Variants in FOXP1 observed in about 807,000 individuals in gnomAD.
FOXP1 encodes the protein forkhead box protein P1.
In FOXP1, 15 loss-of-function variants were observed where a neutral mutation model predicts 98.2. That is an observed-to-expected ratio of 0.15 (90% confidence interval 0.10 to 0.24). The LOEUF (loss-of-function observed/expected upper bound fraction) is 0.24. FOXP1 is among the 10% of genes least tolerant of loss of function. The probability of loss-of-function intolerance (pLI) is 1.00; values close to 1 mark genes in which losing one functional copy is unlikely to be tolerated. For synonymous variants in FOXP1, 371 were observed against 314.5 expected (o/e 1.18, Z -1.90); for missense variants, 633 against 848.5 (o/e 0.75, Z 3.15).
At chr3:71,384,244 A>G (rs946194932) in intron 3 of FOXP1, among the ~76,000 whole-genome samples, 1 of 151,768 alleles carries the variant, frequency 6.6e-6, no homozygotes, top group African/African-American at 2.4e-5. Context: ...AAACAAACAA[A>G]CCAACAAACA....
chr3:70,958,341 T>C lies in FOXP1; in HGVS notation c.*906A>G, dbSNP rs1212476267. 2.2e-5 allele frequency: 12 copies of C among 535,616 alleles called. No homozygotes were observed. The highest frequency in any genetic ancestry group is 2.2e-5 in the Admixed American group (1 of 44,892). 33.2% of individuals were successfully genotyped at this position (535,616 alleles called of 1,614,324 possible). On this transcript the variant is annotated 3_prime_UTR_variant, in exon 21 of 21. Transcript: ENST00000649528. ...TTTTTTCTGTCATTCATTCTCTTTC[T>C]GGCAGGACGTCACGTCTGTGTGAGA... is the stretch of plus-strand genomic sequence containing the variant.
At chr3:71,455,036 T>C (rs1354373744) in intron 3 of FOXP1, among the ~76,000 whole-genome samples, 1 of 152,204 alleles carries the variant, frequency 6.6e-6, no homozygotes, top group East Asian at 1.9e-4. Flanking sequence ...TAGCTTTGTA[T>C]ATGCCCTAAA....
chr3:71,269,580 T>C (rs1427940850), intron 5 of FOXP1, among the ~76,000 whole-genome samples: 1 of 152,166 alleles, frequency 6.6e-6, no homozygotes, highest in Non-Finnish European at 1.5e-5. Context: ...TAAACAATAT[T>C]CATTAAGAAT....
At chr3:70,992,989 T>A (rs2040841565) in intron 13 of FOXP1, among the ~76,000 whole-genome samples, 1 of 152,112 alleles carries the variant, frequency 6.6e-6, no homozygotes, top group African/African-American at 2.4e-5. Flanking sequence ...ATAGGAACTG[T>A]CCTGAGTATT....
chr3:71,442,146 C>T (rs193023085), intron 3 of FOXP1, among the ~76,000 whole-genome samples: 2 of 152,154 alleles, frequency 1.3e-5, no homozygotes, highest in Middle Eastern at 3.2e-3. Context: ...TGGTGCCCCA[C>T]TTTTGTGGAG....
chr3:71,330,737 T>C (rs1339304129), intron 4 of FOXP1, among the ~76,000 whole-genome samples: 2 of 152,248 alleles, frequency 1.3e-5, no homozygotes, highest in African/African-American at 4.8e-5. Flanking sequence ...TGTGGCAACA[T>C]TTAGTGACAT....
At position 71,004,088 on chromosome 3, in the gene FOXP1, T is replaced by TC. The variant is rs34693302; in HGVS notation, c.975-3030dup. On this transcript the variant is annotated intron_variant, in intron 12 of 20. Coordinates refer to ENST00000649528, the MANE Select transcript of FOXP1 (RefSeq NM_001349338.3). ...TGTGGACTTTAAGTGGAACCCTACA[T>TC]CCCCCCCCAAGTTCAGAAAATTAAA... Among the ~76,000 whole-genome samples the TC allele has an allele frequency of 4.6e-5, 7 of 151,702 alleles. No homozygotes were observed. The South Asian group carries it at 8.3e-4, about 18-fold the overall frequency.
chr3:71,306,198 T>C (rs2074259321), intron 4 of FOXP1, among the ~76,000 whole-genome samples: 1 of 152,168 alleles, frequency 6.6e-6, no homozygotes, highest in Admixed American at 6.5e-5. Flanking sequence ...ACACTGCCTA[T>C]TCCAGGGGAC....
chr3:70,992,925 G>T (rs1351574864), intron 13 of FOXP1, among the ~76,000 whole-genome samples: 1 of 152,122 alleles, frequency 6.6e-6, no homozygotes, highest in African/African-American at 2.4e-5. Context: ...CTCTTTCCCC[G>T]ACGTGCTCAG....
chr3:71,002,755 C>T (rs2042276283), intron 12 of FOXP1, among the ~76,000 whole-genome samples: 1 of 152,174 alleles, frequency 6.6e-6, no homozygotes, highest in African/African-American at 2.4e-5. Context: ...CCTCATTTTA[C>T]AAATTCAGAA....
At chr3:70,961,477 C>T (rs1030583728) in intron 20 of FOXP1, among the ~76,000 whole-genome samples, 3 of 152,054 alleles carry the variant, frequency 2.0e-5, no homozygotes, top group Non-Finnish European at 4.4e-5. Flanking sequence ...GTGATCCACC[C>T]GCCTTGGCCT....
At chr3:71,466,585 A>T (rs2088767722) in intron 3 of FOXP1, among the ~76,000 whole-genome samples, 1 of 151,756 alleles carries the variant, frequency 6.6e-6, no homozygotes, top group African/African-American at 2.4e-5. Flanking sequence ...TTTCAGCGGA[A>T]TTTTTTTTTC....
chr3:71,074,574 T>G (rs1463705383), intron 7 of FOXP1, among the ~76,000 whole-genome samples: 1 of 152,116 alleles, frequency 6.6e-6, no homozygotes, highest in African/African-American at 2.4e-5. Flanking sequence ...AGTGGGGTGT[T>G]GAGACTTGAA....
At chr3:71,358,605 C>T (rs1457101375) in intron 4 of FOXP1, among the ~76,000 whole-genome samples, 2 of 152,264 alleles carry the variant, frequency 1.3e-5, no homozygotes, top group Admixed American at 6.5e-5. Context: ...TCCTGTTTCT[C>T]GCAGATAAAT....
chr3:71,035,538 G>A (rs1031058621), intron 11 of FOXP1, among the ~76,000 whole-genome samples: 11 of 152,130 alleles, frequency 7.2e-5, no homozygotes, highest in Non-Finnish European at 1.3e-4. Context: ...GGAAGCAGTG[G>A]GCTGGATTTG....
chr3:71,328,809 C>A (rs2076082731), intron 4 of FOXP1, among the ~76,000 whole-genome samples: 1 of 151,740 alleles, frequency 6.6e-6, no homozygotes, highest in Non-Finnish European at 1.5e-5. Context: ...CCCGTTTCTA[C>A]TAAAAATACA....
At chr3:71,119,512 A>G (rs1446618470) in intron 6 of FOXP1, among the ~76,000 whole-genome samples, 6 of 152,222 alleles carry the variant, frequency 3.9e-5, no homozygotes, top group Non-Finnish European at 7.3e-5. Flanking sequence ...GCTTGTAAAA[A>G]AAAAGAAAAG....
intron 3 of FOXP1, among the ~76,000 whole-genome samples, chr3:71,384,032 C>T (rs35894506): frequency 0.19 from 28,415 of 152,050 alleles, 2,794 homozygotes; most frequent in South Asian, 0.3. Context: ...GCCTGGCCAA[C>T]GTGGTGTAAC....
intron 12 of FOXP1, among the ~76,000 whole-genome samples, chr3:71,009,192 C>T (rs537434372): frequency 7.7e-6 from 1 of 129,296 alleles, no homozygotes; most frequent in Admixed American, 8.5e-5. Flanking sequence ...TGGATATCTC[C>T]CCTCAAATAT....
Sources: allele counts gnomAD v4.1 joint callset (sites outside exome capture counted in the v4.1 genomes callset), GRCh38; gene constraint gnomAD v4.1.1; transcripts MANE v1.5; gene names NCBI Gene and HGNC (gene_info 2026-07-23, HGNC 2026-07-21).